The following IL18RAP variants were observed in gnomAD, a reference collection of about 807,000 sequenced individuals.
The protein encoded by IL18RAP is interleukin-18 receptor accessory protein.
A neutral mutation model predicts 58.1 loss-of-function variants in IL18RAP; 37 were observed. That is an observed-to-expected ratio of 0.64 (90% CI 0.49 to 0.84). The LOEUF (loss-of-function observed/expected upper bound fraction) is 0.84. Among genes scored for constraint, IL18RAP ranks in the 40% least tolerant of loss-of-function variants. The pLI is 0.00. For missense variants in IL18RAP, 667 were observed against 704.8 expected (o/e 0.95, Z 0.61); for synonymous variants, 268 against 257.5 (o/e 1.04, Z -0.39).
chr2:102,438,662 T>G (rs1682907204), intron 4 of IL18RAP: 1 of 152,218 alleles, frequency 6.6e-6, no homozygotes, highest in African/African-American at 2.4e-5. Context: ...TTGCATCTAT[T>G]TCAGTCAAGC....
Position 102,436,817 on chromosome 2 carries a change from G to GTATATATA in IL18RAP, c.580-394_580-393insATATATAT, listed in dbSNP as rs1319404532. Reference sequence around the variant, plus strand: ...TGTATGTATATATATGTGTGTGTGTGTGTATATATATATATGTATGTATAC... The same window carrying GTATATATA: ...TGTATGTATATATATGTGTGTGTGTGTATATATATGTATATATATATATGTATGTATAC... On this transcript the variant is annotated intron_variant, in intron 3 of 9. Transcript: ENST00000687160. Among the ~76,000 whole-genome samples, 10 of 126,150 alleles carry GTATATATA rather than the reference G, an allele frequency of 7.9e-5. No homozygotes were observed. In the East Asian group the frequency reaches 1.1e-3, roughly 14 times the overall value. The allele number at this position is 126,150 out of a possible 152,430, so 82.8% of individuals were successfully genotyped here. A position where few individuals can be genotyped will look rare whatever the true frequency, so the allele number is the denominator to read the frequency against.
At chr2:102,430,762 C>A (rs1573273053) in intron 3 of IL18RAP, among the ~76,000 whole-genome samples, 2 of 152,224 alleles carry the variant, frequency 1.3e-5, no homozygotes, top group Middle Eastern at 3.4e-3. Flanking sequence ...CCATAAAACA[C>A]TTCATAACAG....
rs1045186365 is a variant in IL18RAP at position 102,452,559 on chromosome 2, T to A, written c.*378T>A. 2 of 170,748 alleles carry A rather than the reference T, an allele frequency of 1.2e-5. No homozygotes were observed. The highest frequency in any genetic ancestry group is 4.7e-5 in the African/African-American group (2 of 42,190). The allele number at this position is 170,748 out of a possible 1,614,324, so 10.6% of individuals were successfully genotyped here. A position where few individuals can be genotyped will look rare whatever the true frequency, so the allele number is the denominator to read the frequency against. On this transcript the variant is annotated 3_prime_UTR_variant, in exon 10 of 10. Coordinates refer to ENST00000687160, the MANE Select transcript of IL18RAP (RefSeq NM_001393487.1). ...TTGCAATCAAATAAATATTATTTTA[T>A]TAGAAATGAGTGATTTTTTTCTTTT...
At chr2:102,437,069 A>G in intron 3 of IL18RAP, 143 bp from the exon 4 acceptor site, 1 of 681,574 alleles carries the variant, frequency 1.5e-6, no homozygotes, top group South Asian at 2.2e-5. Context: ...TTTGAACACA[A>G]TGTCTTCATA....
chr2:102,441,063 T>C (rs1683073651), intron 4 of IL18RAP, among the ~76,000 whole-genome samples: 1 of 152,166 alleles, frequency 6.6e-6, no homozygotes, highest in Non-Finnish European at 1.5e-5. Context: ...TGAAAGAGAA[T>C]GCACACAAGC....
chr2:102,451,091 T>C, intron 9 of IL18RAP, 70 bp downstream of exon 9: 6 of 1,288,164 alleles, frequency 4.7e-6, no homozygotes, highest in Non-Finnish European at 6.4e-6. Flanking sequence ...AAGTCTTTTT[T>C]GTCATTCTTT....
chr2:102,425,063 G>A (rs1447009031), intron 3 of IL18RAP, among the ~76,000 whole-genome samples: 2 of 152,184 alleles, frequency 1.3e-5, no homozygotes, highest in East Asian at 1.9e-4. Flanking sequence ...AGCAGATGAT[G>A]AAATGCTGCC....
chr2:102,445,142 G>A (rs762481867), intron 6 of IL18RAP, 47 bp from the exon 7 acceptor site: 10 of 1,567,314 alleles, frequency 6.4e-6, no homozygotes, highest in Non-Finnish European at 8.8e-6. Flanking sequence ...GCAAATGGGT[G>A]TCAATGTATG....
chr2:102,433,694 C>T (rs771065137), intron 3 of IL18RAP, among the ~76,000 whole-genome samples: 12 of 152,040 alleles, frequency 7.9e-5, no homozygotes, highest in African/African-American at 9.6e-5. Flanking sequence ...TACAGGTGTG[C>T]GCCACCACAC....
In IL18RAP at chr2:102,451,955, A is replaced by T. The variant is rs1336592988; in HGVS notation, c.1574A>T (p.His525Leu). 6.2e-7 allele frequency: 1 copy of T among 1,614,088 alleles called. No individual in the cohort carries two copies. Reference sequence around the variant, plus strand: ...TTCCAAGAGCCAGAGTCTCTACCTCATCTCGTGAAAAAAGCTCTCAGGGTT... The same window carrying T: ...TTCCAAGAGCCAGAGTCTCTACCTCTTCTCGTGAAAAAAGCTCTCAGGGTT... ...CYFQEPESLP[H>L]LVKKALRVLP... The change falls in exon 10 of 10, where the codon CAT (histidine) becomes CTT (leucine). Residue 525 changes from histidine (H) to leucine (L), a missense_variant. Coordinates refer to ENST00000687160, the MANE Select transcript of IL18RAP (RefSeq NM_001393487.1).
intron 8 of IL18RAP, among the ~76,000 whole-genome samples, chr2:102,449,525 A>G (rs1441682071): frequency 6.6e-6 from 1 of 152,158 alleles, no homozygotes; most frequent in Non-Finnish European, 1.5e-5. Flanking sequence ...GTTTTTAGTG[A>G]TCAGATCTGG....
intron 4 of IL18RAP, among the ~76,000 whole-genome samples, chr2:102,440,697 G>A (rs953406179): frequency 2.6e-5 from 4 of 151,170 alleles, no homozygotes; most frequent in Non-Finnish European, 4.4e-5. Flanking sequence ...GGAGAAGGAG[G>A]TCTCTGAGAA....
rs1440637111 is a variant in IL18RAP at position 102,434,887 on chromosome 2, C to T, written c.580-2325C>T. On this transcript the variant is annotated intron_variant, in intron 3 of 9. Transcript: ENST00000687160. ...AGCTGGCTGATATTAACCATCACTT[C>T]CTTTTCTAAGGGTTCATAAACCATC... 5.3e-5 allele frequency: 8 copies of T among 152,274 alleles called. No homozygotes were observed. In the East Asian group the frequency reaches 1.5e-3, roughly 29 times the overall value. 9.4% of individuals were successfully genotyped at this position (152,274 alleles called of 1,614,324 possible).
Position 102,447,125 on chromosome 2 carries a change from G to T in IL18RAP, c.1128G>T (p.Ala376=). The T allele has an allele frequency of 6.2e-7, 1 of 1,614,068 alleles. No homozygotes were observed. The highest frequency in any genetic ancestry group is 8.5e-7 in the Non-Finnish European group (1 of 1,180,006). Reference sequence around the variant, plus strand: ...TCGGGACCCTGGTGGCCGTGCTGGCGGCGAGTGCCCTCCTCTACAGGCACT... The same window carrying T: ...TCGGGACCCTGGTGGCCGTGCTGGCTGCGAGTGCCCTCCTCTACAGGCACT... The part of the protein sequence containing the change: ...GTIGTLVAVL[A]ASALLYRHWI... Residue 376 remains alanine (A), a synonymous_variant, in exon 8 of 10, where the codon GCG becomes GCT. Coordinates refer to ENST00000687160, the MANE Select transcript of IL18RAP (RefSeq NM_001393487.1).
intron 4 of IL18RAP, among the ~76,000 whole-genome samples, chr2:102,437,588 C>T (rs1682836587): frequency 6.6e-6 from 1 of 152,130 alleles, no homozygotes; most frequent in African/African-American, 2.4e-5. Context: ...ATGAATATGT[C>T]CCTGATTTGC....
rs761536970 is a variant in IL18RAP, at chr2:102,424,092, G to A, written c.352G>A (p.Val118Met). 1.9e-6 allele frequency: 3 copies of A among 1,613,868 alleles called. No individual in the cohort carries two copies. The highest frequency in any genetic ancestry group is 1.7e-6 in the Non-Finnish European group (2 of 1,179,840). The change falls in exon 2 of 10, where the codon GTG (valine) becomes ATG (methionine). Residue 118 changes from valine to methionine, a missense_variant. Val to Met is a conservative substitution (Grantham distance 21). Coordinates refer to ENST00000687160, the MANE Select transcript of IL18RAP (RefSeq NM_001393487.1). ...KCTLHFLTPGVNNSGSYICRP... is the reference protein window; with the variant it reads ...KCTLHFLTPGMNNSGSYICRP... ...TACCCTTCACTTTTTGACCCCAGGG[G>A]TGAATAATTCTGGGTCATATATTTG...
At chr2:102,446,172 G>T (rs1344649379) in intron 7 of IL18RAP, among the ~76,000 whole-genome samples, 1 of 152,160 alleles carries the variant, frequency 6.6e-6, no homozygotes, top group Non-Finnish European at 1.5e-5. Context: ...TTGTGTGGAC[G>T]TTTACGAGGG....
intron 6 of IL18RAP, 96 bp downstream of exon 6, chr2:102,443,419 C>T: frequency 7.3e-7 from 1 of 1,362,954 alleles, no homozygotes; most frequent in Non-Finnish European, 1.0e-6. Flanking sequence ...GGTGTAGCCA[C>T]CAGCACCGAC....
rs1196919425 is a variant in IL18RAP at position 102,441,402 on chromosome 2, A to AATGAC, written c.796+28_796+32dup. The AATGAC allele has an allele frequency of 1.9e-6, 3 of 1,585,272 alleles. No individual in the cohort carries two copies. In the African/African-American group the frequency reaches 4.0e-5, roughly 21 times the overall value. Reference sequence around the variant, plus strand: ...GGTAAGCTGGGCCTCATCGCCTTTGAATGACATCGTGCTGCTGGGAGCAGG... The same window carrying AATGAC: ...GGTAAGCTGGGCCTCATCGCCTTTGAATGACATGACATCGTGCTGCTGGGAGCAGG... On this transcript the variant is annotated intron_variant, in intron 5 of 9. Transcript: ENST00000687160.
Sources: allele counts gnomAD v4.1 joint callset (sites outside exome capture counted in the v4.1 genomes callset), GRCh38; gene constraint gnomAD v4.1.1; transcripts MANE v1.5; gene names NCBI Gene and HGNC (gene_info 2026-07-23, HGNC 2026-07-21).